Variants in GNAI1 observed in about 807,000 individuals in gnomAD.
The protein encoded by GNAI1 is guanine nucleotide-binding protein G(i) subunit alpha-1.
In GNAI1, 11 loss-of-function variants were observed where a neutral mutation model predicts 38.9. The observed-to-expected ratio is 0.28, with a 90% confidence interval of 0.18 to 0.47. GNAI1 has a LOEUF of 0.47. GNAI1 is among the 20% of genes least tolerant of loss of function. The pLI is 0.99. For missense variants in GNAI1, 317 were observed against 436.9 expected (o/e 0.73, Z 2.45); for synonymous variants, 166 against 145.1 (o/e 1.14, Z -1.04).
intron 3 of GNAI1, among the ~76,000 whole-genome samples, chr7:80,197,362 C>T (rs1174874326): frequency 6.6e-6 from 1 of 151,792 alleles, no homozygotes; most frequent in African/African-American, 2.4e-5. Flanking sequence ...GTCTTTACTT[C>T]AGGCCTATTC....
At chr7:80,168,469 G>C (rs1224926182) in intron 1 of GNAI1, among the ~76,000 whole-genome samples, 8 of 152,004 alleles carry the variant, frequency 5.3e-5, no homozygotes, top group Non-Finnish European at 1.2e-4. Flanking sequence ...CTCACTGCAA[G>C]CTCCGCCTCC....
intron 1 of GNAI1, among the ~76,000 whole-genome samples, chr7:80,184,447 A>C (rs1336113289): frequency 6.6e-6 from 1 of 152,086 alleles, no homozygotes; most frequent in African/African-American, 2.4e-5. Flanking sequence ...GAGCCTGTGC[A>C]GTGTGCTTAC....
chr7:80,175,258 G>A (rs1437882969), intron 1 of GNAI1, among the ~76,000 whole-genome samples: 1 of 152,092 alleles, frequency 6.6e-6, no homozygotes, highest in Non-Finnish European at 1.5e-5. Context: ...TTAAAAACTT[G>A]TTCCTGCTAC....
At chr7:80,170,216 A>G (rs1380611897) in intron 1 of GNAI1, among the ~76,000 whole-genome samples, 1 of 152,168 alleles carries the variant, frequency 6.6e-6, no homozygotes, top group Admixed American at 6.5e-5. Context: ...TAAATGCCAG[A>G]GTGTTTTCCA....
At chr7:80,207,980 A>G (rs999287893) in intron 5 of GNAI1, among the ~76,000 whole-genome samples, 3 of 152,098 alleles carry the variant, frequency 2.0e-5, no homozygotes, top group African/African-American at 4.8e-5. Flanking sequence ...ATAAATTTCT[A>G]TTTCATTTCT....
intron 1 of GNAI1, chr7:80,135,614 G>T: frequency 4.4e-6 from 1 of 229,280 alleles, no homozygotes. Context: ...GCCTTGTAAA[G>T]ATGAAGGGGC....
chr7:80,141,417 A>T (rs1053099193), intron 1 of GNAI1, among the ~76,000 whole-genome samples: 4 of 152,186 alleles, frequency 2.6e-5, no homozygotes, highest in African/African-American at 9.6e-5. Flanking sequence ...CAAACAAGTT[A>T]TCTGCTCCCA....
At chr7:80,137,414 G>A (rs1251473704) in intron 1 of GNAI1, among the ~76,000 whole-genome samples, 4 of 134,460 alleles carry the variant, frequency 3.0e-5, no homozygotes, top group African/African-American at 8.6e-5. Flanking sequence ...TTCACCTCCT[G>A]GGTTCAAGCG....
intron 1 of GNAI1, among the ~76,000 whole-genome samples, chr7:80,136,432 G>GT (rs988703854): frequency 1.7e-3 from 251 of 151,976 alleles, no homozygotes; most frequent in African/African-American, 5.8e-3. Flanking sequence ...AAAATGGTGG[G>GT]TTTTTTTTCT....
intron 1 of GNAI1, among the ~76,000 whole-genome samples, chr7:80,160,161 T>C (rs764365498): frequency 1.4e-5 from 2 of 146,236 alleles, no homozygotes; most frequent in Non-Finnish European, 2.9e-5. Flanking sequence ...GTGACTTGCA[T>C]ACTCTAGGTA....
chr7:80,200,324 C>CAAAAAAAAAAAAAAAAAA lies in GNAI1; in HGVS notation c.461+948_461+965dup, dbSNP rs59511755. Among the ~76,000 whole-genome samples, 42 of 40,374 alleles carry CAAAAAAAAAAAAAAAAAA rather than the reference C, an allele frequency of 1.0e-3. 9 individuals are homozygous for CAAAAAAAAAAAAAAAAAA. Among genetic ancestry groups the CAAAAAAAAAAAAAAAAAA allele is most frequent in the African/African-American group, 6.1e-3 (37 of 6,044 alleles). 26.5% of individuals were successfully genotyped at this position (40,374 alleles called of 152,430 possible). A position where few individuals can be genotyped will look rare whatever the true frequency, so the allele number is the denominator to read the frequency against. Reference sequence around the variant, plus strand: ...CTGGAGATGGAGTGAGGCCATGTCTCAAAAAAAAAAAAAAAAAAAAAAACC... The same window carrying CAAAAAAAAAAAAAAAAAA: ...CTGGAGATGGAGTGAGGCCATGTCTCAAAAAAAAAAAAAAAAAAAAAAAAAAAAAAAAAAAAAAAAACC... On this transcript the variant is annotated intron_variant, in intron 4 of 7. Transcript: ENST00000649796.
intron 1 of GNAI1, among the ~76,000 whole-genome samples, chr7:80,151,671 G>A (rs550453332): frequency 1.5e-3 from 221 of 152,258 alleles, no homozygotes; most frequent in African/African-American, 5.1e-3. Context: ...CCACCAAGTG[G>A]CTGCATTTCT....
At chr7:80,192,787 C>T (rs930932734) in intron 3 of GNAI1, among the ~76,000 whole-genome samples, 2 of 152,222 alleles carry the variant, frequency 1.3e-5, no homozygotes, top group Non-Finnish European at 2.9e-5. Context: ...CCTCCGCCTT[C>T]CTGGTTCAGC....
chr7:80,213,783 A>C (rs542013233), intron 7 of GNAI1, among the ~76,000 whole-genome samples: 1 of 152,158 alleles, frequency 6.6e-6, no homozygotes, highest in African/African-American at 2.4e-5. Flanking sequence ...TGGTTTATGT[A>C]ATCTCCAAAT....
intron 1 of GNAI1, chr7:80,135,648 A>ACCGCCCC (rs1390569443): frequency 2.6e-5 from 1 of 38,294 alleles, no homozygotes; most frequent in African/African-American, 1.2e-4. Context: ...AAATGAAAAC[A>ACCGCCCC]CCCCCCCCCC....
intron 1 of GNAI1, among the ~76,000 whole-genome samples, chr7:80,162,800 G>T (rs900290282): frequency 6.6e-6 from 1 of 152,120 alleles, no homozygotes; most frequent in Non-Finnish European, 1.5e-5. Flanking sequence ...ACAATGGATG[G>T]GTTTTGAGAC....
At chr7:80,144,213 A>C (rs1169242493) in intron 1 of GNAI1, among the ~76,000 whole-genome samples, 1 of 151,520 alleles carries the variant, frequency 6.6e-6, no homozygotes, top group Non-Finnish European at 1.5e-5. Context: ...GAATTAGTGC[A>C]GTGGCTTTTT....
chr7:80,201,674 T>C (rs902325927), intron 4 of GNAI1, among the ~76,000 whole-genome samples: 1 of 152,064 alleles, frequency 6.6e-6, no homozygotes. Flanking sequence ...TAGTGAGCTA[T>C]GACTGCACAG....
At chr7:80,154,907 A>G (rs1369418770) in intron 1 of GNAI1, among the ~76,000 whole-genome samples, 1 of 152,220 alleles carries the variant, frequency 6.6e-6, no homozygotes, top group Non-Finnish European at 1.5e-5. Flanking sequence ...TTCCTAGGTT[A>G]TAGATAAAAT....
Sources: allele counts gnomAD v4.1 joint callset (sites outside exome capture counted in the v4.1 genomes callset), GRCh38; gene constraint gnomAD v4.1.1; transcripts MANE v1.5; gene names NCBI Gene and HGNC (gene_info 2026-07-23, HGNC 2026-07-21).